The following POLR1C variants were observed in gnomAD, a reference collection of about 807,000 sequenced individuals.
POLR1C encodes the protein DNA-directed RNA polymerases I and III subunit RPAC1.
Under a neutral mutation model 38.3 loss-of-function variants are expected in POLR1C, and 42 were observed. That is an observed-to-expected ratio of 1.10 (90% CI 0.86 to 1.42). POLR1C has a LOEUF of 1.42. Ranked by LOEUF, POLR1C falls within the 40% of genes most tolerant of loss-of-function variation. POLR1C has a pLI of 0.00. For missense variants in POLR1C, 507 were observed against 450.5 expected (o/e 1.13, Z -1.14); for synonymous variants, 163 against 163.9 (o/e 0.99, Z 0.04).
In POLR1C at chr6:43,538,259, C is replaced by T. The variant is rs182805330; in HGVS notation, c.*4+8900C>T. Among the ~76,000 whole-genome samples the T allele has an allele frequency of 7.5e-3, 1,072 of 143,398 alleles. 9 individuals carry two copies. Among genetic ancestry groups the T allele is most frequent in the African/African-American group, 0.026 (1,019 of 38,618 alleles). 94.1% of individuals were successfully genotyped at this position (143,398 alleles called of 152,430 possible). On this transcript the variant is annotated intron_variant, in intron 9 of 10. Coordinates refer to the POLR1C transcript ENST00000607635. ...CCGCCTGCTGGGTTCAAGTGATTCT[C>T]GTGCCTCAGCCTCCCAAGTAGCTGA...
At chr6:43,535,652 T>C (rs778751153) in intron 9 of POLR1C, among the ~76,000 whole-genome samples, 57 of 149,620 alleles carry the variant, frequency 3.8e-4, no homozygotes, top group Middle Eastern at 6.8e-3. Flanking sequence ...CTACTAAAAA[T>C]ACAAAAGCTA....
At chr6:43,530,884 C>T (rs1297422107), downstream of POLR1C, 5 of 1,539,758 alleles carry the variant, frequency 3.2e-6, no homozygotes, top group Non-Finnish European at 4.4e-6. Flanking sequence ...TACTGCCAGC[C>T]CTGTCCCATG....
downstream of POLR1C, chr6:43,523,548 G>A (rs949262944): frequency 1.9e-5 from 10 of 512,892 alleles, no homozygotes; most frequent in Admixed American, 9.2e-5. Flanking sequence ...GTATGTGGCT[G>A]CACGGGGGTG....
chr6:43,520,935 A>T lies in POLR1C; in HGVS notation c.809A>T (p.Lys270Ile), dbSNP rs745835548. ...GVIEVQEVQG[K>I]KVARVANPRL... ...AAACATGGTTTGTTCTCATTAGGTA[A>T]AAAGGTGGCCAGAGTTGCCAACCCC... Residue 270 changes from lysine (K) to isoleucine (I), a missense_variant, in exon 8 of 9, where the codon AAA (lysine) becomes ATA (isoleucine). Lys to Ile is a moderately radical substitution (Grantham distance 102). Transcript: ENST00000642195. 6.2e-7 allele frequency: 1 copy of T among 1,613,966 alleles called. No individual in the cohort carries two copies.
chr6:43,554,412 CTTTT>C (rs1761910450), intron 10 of POLR1C, among the ~76,000 whole-genome samples: 1 of 147,126 alleles, frequency 6.8e-6, no homozygotes, highest in South Asian at 2.2e-4. Context: ...TGCCCAGCCG[CTTTT>C]CTTTTCTTTT....
rs1111786 is a variant in POLR1C at position 43,529,131 on chromosome 6, G to A, written c.923-118G>A. 25,818 of 1,215,296 alleles carry A rather than the reference G, an allele frequency of 0.021. 349 individuals are homozygous for A. Among genetic ancestry groups the A allele is most frequent in the Non-Finnish European group, 0.027 (22,822 of 851,992 alleles). 75.3% of individuals were successfully genotyped at this position (1,215,296 alleles called of 1,614,324 possible). On this transcript the variant is annotated intron_variant, in intron 8 of 8. Transcript: ENST00000304004. The stretch of plus-strand genomic sequence containing the variant: ...TGAATTCCATTATACTCTTAGTTTA[G>A]CTGCATTTCCGTCAGGCTGCACATT...
chr6:43,519,957 C>A (rs1188869583), intron 4 of POLR1C, 109 bp from the exon 5 acceptor site: 3 of 1,541,208 alleles, frequency 1.9e-6, no homozygotes, highest in East Asian at 2.4e-5. Context: ...AGAACACTTG[C>A]CTTGTCTCCC....
In POLR1C at chr6:43,551,231, A is replaced by T. The variant is rs1371324121; in HGVS notation, c.*48+220A>T. Reference sequence around the variant, plus strand: ...TGTAGCAAGATCCTGTCTCCAAAAAAATAAAATAAATAAAAATTAACTTAG... The same window carrying T: ...TGTAGCAAGATCCTGTCTCCAAAAATATAAAATAAATAAAAATTAACTTAG... On this transcript the variant is annotated intron_variant, in intron 10 of 10. Transcript: ENST00000607635. The T allele has an allele frequency of 8.3e-6, 12 of 1,449,298 alleles. No individual in the cohort carries two copies. In the East Asian group the frequency reaches 3.1e-4, roughly 37 times the overall value. The allele number at this position is 1,449,298 out of a possible 1,614,324, so 89.8% of individuals were successfully genotyped here.
intron 10 of POLR1C, chr6:43,555,811 A>C: frequency 1.2e-6 from 2 of 1,613,530 alleles, no homozygotes; most frequent in Middle Eastern, 1.7e-4. Context: ...CATTTCACTA[A>C]CATTCAGTAA....
At chr6:43,522,750 TG>T (rs2127694686), downstream of POLR1C, 1 of 493,728 alleles carries the variant, frequency 2.0e-6, no homozygotes, top group Non-Finnish European at 4.3e-6. Flanking sequence ...GGTCTGTTTT[TG>T]TGCAGAGCAC....
chr6:43,541,888 T>C (rs570725658), intron 9 of POLR1C, among the ~76,000 whole-genome samples: 7 of 152,264 alleles, frequency 4.6e-5, no homozygotes, highest in African/African-American at 1.7e-4. Context: ...AGTGATTCTC[T>C]TGCATCAACC....
At chr6:43,525,273 T>C, downstream of POLR1C, 12 of 1,477,864 alleles carry the variant, frequency 8.1e-6, no homozygotes, top group Non-Finnish European at 1.1e-5. Flanking sequence ...TCTCTGATGA[T>C]TATTACACAT....
At chr6:43,517,809 C>G (rs1000176457) in intron 2 of POLR1C, among the ~76,000 whole-genome samples, 36 of 152,054 alleles carry the variant, frequency 2.4e-4, no homozygotes, top group Admixed American at 1.4e-3. Context: ...TCAGGATATA[C>G]AGGTTTTGTG....
In POLR1C at chr6:43,539,745, G is replaced by A. The variant is rs1006417289; in HGVS notation, c.*4+10386G>A. 9.9e-6 allele frequency: 6 copies of A among 607,246 alleles called. No individual in the cohort carries two copies. The African/African-American group carries it at 1.1e-4, about 11-fold the overall frequency. 37.6% of individuals were successfully genotyped at this position (607,246 alleles called of 1,614,324 possible). A position where few individuals can be genotyped will look rare whatever the true frequency, so the allele number is the denominator to read the frequency against. ...GAAGAAGCTACATTTTTCTATTCTT[G>A]GGAATAGTTTGTCTAAGAGATAAAT... On this transcript the variant is annotated intron_variant, in intron 9 of 10. Transcript: ENST00000607635.
chr6:43,534,257 AG>A (rs1794177016), downstream of POLR1C, among the ~76,000 whole-genome samples: 3 of 152,240 alleles, frequency 2.0e-5, no homozygotes, highest in South Asian at 6.2e-4. Flanking sequence ...GACACAGGAC[AG>A]TATCAGAGTC....
intron 8 of POLR1C, chr6:43,528,307 G>T: frequency 8.2e-7 from 1 of 1,221,986 alleles, no homozygotes; most frequent in South Asian, 1.3e-5. Flanking sequence ...AGCCAAGGAT[G>T]ATTCTAGGCA....
At chr6:43,522,591 G>A (rs899953756), downstream of POLR1C, 9 of 342,210 alleles carry the variant, frequency 2.6e-5, no homozygotes, top group Admixed American at 1.3e-4. Flanking sequence ...CAGGAAGAGG[G>A]AGCAACACAA....
chr6:43,547,724 GA>G (rs35360599), intron 9 of POLR1C: 2 of 1,608,542 alleles, frequency 1.2e-6, no homozygotes, highest in Admixed American at 1.7e-5. Flanking sequence ...GTTGGAGGGG[GA>G]AAAACAAGTT....
Position 43,520,359 on chromosome 6 carries a change from A to G in POLR1C, c.587A>G (p.Asp196Gly), listed in dbSNP as rs775662333. The G allele has an allele frequency of 5.6e-6, 9 of 1,613,750 alleles. No individual in the cohort carries two copies. The highest frequency in any genetic ancestry group is 7.6e-6 in the Non-Finnish European group (9 of 1,180,020). ...PEGTIRPVHD[D>G]ILIAQLRPGQ... ...GGCACTATCCGACCAGTGCATGATG[A>G]TATCCTCATCGCTCAGCTGCGGCCT... The change falls in exon 6 of 9, where the codon GAT becomes GGT. Residue 196 changes from aspartate (D) to glycine (G), a missense_variant. Coordinates refer to ENST00000642195, the MANE Select transcript of POLR1C (RefSeq NM_203290.4).
Sources: gnomAD v4.1 joint callset for allele counts (sites outside exome capture counted in the v4.1 genomes callset) on GRCh38, gnomAD v4.1.1 for gene constraint, MANE v1.5 for transcripts, NCBI Gene and HGNC (gene_info 2026-07-23, HGNC 2026-07-21) for gene names.